The following PIP4K2B variants were observed in gnomAD, a reference collection of about 807,000 sequenced individuals.
PIP4K2B encodes the protein phosphatidylinositol 5-phosphate 4-kinase type-2 beta.
Under a neutral mutation model 42.0 loss-of-function variants are expected in PIP4K2B, and 3 were observed. The observed-to-expected ratio is 0.07, with a 90% confidence interval of 0.03 to 0.18. The LOEUF (loss-of-function observed/expected upper bound fraction) is 0.18, where lower values mean the gene tolerates loss of function less well. Among genes scored for constraint, PIP4K2B ranks in the 10% least tolerant of loss-of-function variants. PIP4K2B has a pLI of 1.00. For synonymous variants in PIP4K2B, 204 were observed against 210.1 expected, an observed-to-expected ratio of 0.97 and a Z score of 0.25; for missense variants, 332 against 562.3, an observed-to-expected ratio of 0.59 and a Z score of 4.14.
chr17:38,770,376 G>T, intron 9 of PIP4K2B, 60 bp downstream of exon 9: 1 of 986,764 alleles, frequency 1.0e-6, no homozygotes, highest in Non-Finnish European at 1.6e-6. Flanking sequence ...CCTGGGGTCT[G>T]AGGGTAAGCA....
intron 7 of PIP4K2B, among the ~76,000 whole-genome samples, chr17:38,775,701 T>C (rs1275689818): frequency 1.3e-5 from 2 of 151,812 alleles, no homozygotes; most frequent in Admixed American, 6.6e-5. Flanking sequence ...ACTAAAAAAA[T>C]ACAAAAATTA....
At chr17:38,778,629 G>A (rs1376114930) in intron 5 of PIP4K2B, among the ~76,000 whole-genome samples, 2 of 152,222 alleles carry the variant, frequency 1.3e-5, no homozygotes, top group African/African-American at 4.8e-5. Flanking sequence ...TTCTAACAGG[G>A]GAGACAGATA....
At chr17:38,778,847 G>GGA in intron 5 of PIP4K2B, among the ~76,000 whole-genome samples, 1 of 152,264 alleles carries the variant, frequency 6.6e-6, no homozygotes, top group East Asian at 1.9e-4. Context: ...AGGAGTGGGT[G>GGA]GAGAGAGAGA....
chr17:38,788,801 A>C (rs979286383), intron 1 of PIP4K2B, among the ~76,000 whole-genome samples: 1 of 152,126 alleles, frequency 6.6e-6, no homozygotes, highest in African/African-American at 2.4e-5. Context: ...AAATACAAAA[A>C]AATTAGCTGG....
intron 1 of PIP4K2B, among the ~76,000 whole-genome samples, chr17:38,795,905 G>A (rs549007892): frequency 8.6e-5 from 13 of 151,710 alleles, no homozygotes; most frequent in Admixed American, 2.0e-4. Context: ...TTGGGAGGCC[G>A]AGGCAGGTGG....
Position 38,799,372 on chromosome 17 carries a change from G to T in PIP4K2B, c.53C>A (p.Ala18Asp). The change falls in exon 1 of 10, where the codon GCC (alanine) becomes GAC (aspartate). Residue 18 changes from alanine (A) to aspartate (D), a missense_variant. Physicochemically the swap from Ala to Asp is moderately radical, Grantham distance 126. Coordinates refer to ENST00000619039, the MANE Select transcript of PIP4K2B (RefSeq NM_003559.5). The surrounding 1 kb of genome is among the most constrained non-coding windows in gnomAD (Gnocchi z 4.4). ...TTAVAVAPLS[A>D]SKTKTKKKHF... ...CTTCTTCTTGGTCTTGGTCTTGCTG[G>T]CGCTGAGCGGCGCCACCGCCACCGC... The T allele has an allele frequency of 6.2e-7, 1 of 1,607,712 alleles. No homozygotes were observed.
intron 9 of PIP4K2B, 109 bp from the exon 10 acceptor site, chr17:38,769,880 G>T: frequency 1.0e-6 from 1 of 980,354 alleles, no homozygotes; most frequent in Non-Finnish European, 1.6e-6. Context: ...TATCAGAGCT[G>T]AATACCACCC....
At position 38,768,037 on chromosome 17, in the gene PIP4K2B, G is replaced by C. The variant is rs1174370959; in HGVS notation, c.*1654C>G. On this transcript the variant is annotated 3_prime_UTR_variant, in exon 10 of 10. Coordinates refer to ENST00000619039, the MANE Select transcript of PIP4K2B (RefSeq NM_003559.5). ...ACCTATATGCTGTGAGTCAGGCACAGAGACAGTGCTGGTTCCTGCTTCGGA... is the reference window on the plus strand; with the variant it reads ...ACCTATATGCTGTGAGTCAGGCACACAGACAGTGCTGGTTCCTGCTTCGGA... The C allele has an allele frequency of 6.6e-6, 1 of 152,264 alleles. No homozygotes were observed. Among genetic ancestry groups the C allele is most frequent in the African/African-American group, 2.4e-5 (1 of 41,474 alleles). The allele number at this position is 152,264 out of a possible 1,614,324, so 9.4% of individuals were successfully genotyped here. A position where few individuals can be genotyped will look rare whatever the true frequency, so the allele number is the denominator to read the frequency against.
chr17:38,774,495 G>A (rs1909210709), intron 7 of PIP4K2B, among the ~76,000 whole-genome samples: 1 of 152,122 alleles, frequency 6.6e-6, no homozygotes. Context: ...AGGGCCGGGC[G>A]TGGTGGCTCA....
At chr17:38,780,632 G>C in intron 3 of PIP4K2B, 28 bp from the exon 4 acceptor site, 3 of 1,599,142 alleles carry the variant, frequency 1.9e-6, no homozygotes, top group Non-Finnish European at 2.6e-6. Flanking sequence ...AGAAGGCTGG[G>C]CTTGGCAGGG....
Position 38,799,175 on chromosome 17 carries a change from C to A in PIP4K2B, c.159+91G>T. 7.4e-7 allele frequency: 1 copy of A among 1,355,210 alleles called. No individual in the cohort carries two copies. Among genetic ancestry groups the A allele is most frequent in the Non-Finnish European group, 9.7e-7 (1 of 1,034,148 alleles). 83.9% of individuals were successfully genotyped at this position (1,355,210 alleles called of 1,614,324 possible). The stretch of plus-strand genomic sequence containing the variant: ...GCTTGGCGAGGGGTGGCAGGCGTCA[C>A]CGGCAGGGCCTGCGGGGCAAGGGCC... On this transcript the variant is annotated intron_variant, in intron 1 of 9. Coordinates refer to ENST00000619039, the MANE Select transcript of PIP4K2B (RefSeq NM_003559.5). The surrounding 1 kb of genome is among the most constrained non-coding windows in gnomAD (Gnocchi z 4.4).
intron 3 of PIP4K2B, 25 bp downstream of exon 3, chr17:38,784,218 C>T: frequency 7.1e-7 from 1 of 1,411,324 alleles, no homozygotes; most frequent in African/African-American, 1.4e-5. Flanking sequence ...CCCTAATCCA[C>T]TGATGTTGCC....
chr17:38,786,798 T>G (rs1567660108), intron 2 of PIP4K2B, 25 bp downstream of exon 2: 1 of 1,468,296 alleles, frequency 6.8e-7, no homozygotes, highest in Non-Finnish European at 9.6e-7. Context: ...CCACAAAACC[T>G]GAGTCCACTC....
At chr17:38,798,536 TA>T (rs1910769129) in intron 1 of PIP4K2B, among the ~76,000 whole-genome samples, 1 of 152,312 alleles carries the variant, frequency 6.6e-6, no homozygotes, top group Non-Finnish European at 1.5e-5. Context: ...TCAACATCTT[TA>T]AAATGATCAC....
At chr17:38,784,606 T>C (rs564606244) in intron 2 of PIP4K2B, among the ~76,000 whole-genome samples, 131 of 152,286 alleles carry the variant, frequency 8.6e-4, no homozygotes, top group African/African-American at 2.9e-3. Context: ...ACATCTGCCA[T>C]ACTTAACATG....
At position 38,793,700 on chromosome 17, in the gene PIP4K2B, G is replaced by A. The variant is rs941216033; in HGVS notation, c.159+5566C>T. Among the ~76,000 whole-genome samples, 4 of 151,988 alleles carry A rather than the reference G, an allele frequency of 2.6e-5. No homozygotes were observed. In the East Asian group the frequency reaches 5.8e-4, roughly 22 times the overall value. On this transcript the variant is annotated intron_variant, in intron 1 of 9. Transcript: ENST00000619039. ...AGCCTGGGCAACATGGCAAAACCCC[G>A]ACTCTTCAAAAAATACAAGTGTTAG...
At chr17:38,777,662 G>A (rs767214414) in intron 7 of PIP4K2B, 25 bp downstream of exon 7, 2 of 1,446,872 alleles carry the variant, frequency 1.4e-6, no homozygotes, top group African/African-American at 1.4e-5. Flanking sequence ...GAGCCTTGCA[G>A]GTGAAAATGA....
In PIP4K2B at chr17:38,799,216, C is replaced by T; in HGVS notation, c.159+50G>A. 6.5e-7 allele frequency: 1 copy of T among 1,529,336 alleles called. No homozygotes were observed. The highest frequency in any genetic ancestry group is 1.2e-5 in the South Asian group (1 of 81,016). 94.7% of individuals were successfully genotyped at this position (1,529,336 alleles called of 1,614,324 possible). ...GGCAAGGGCCCAGGGCTGCAGGGGG[C>T]GTGGGAGCGCGCGGGGCCGCGCTCA... On this transcript the variant is annotated intron_variant, in intron 1 of 9. Coordinates refer to ENST00000619039, the MANE Select transcript of PIP4K2B (RefSeq NM_003559.5). This position sits in a 1 kb window ranked among gnomAD's most constrained non-coding sequence, Gnocchi z 4.4.
At chr17:38,782,407 C>T (rs1033626690) in intron 3 of PIP4K2B, among the ~76,000 whole-genome samples, 3 of 152,214 alleles carry the variant, frequency 2.0e-5, no homozygotes, top group African/African-American at 4.8e-5. Flanking sequence ...GGTTAGACAG[C>T]CCAGGGGAGG....
Sources: allele counts gnomAD v4.1 joint callset (sites outside exome capture counted in the v4.1 genomes callset), GRCh38; gene constraint gnomAD v4.1.1; non-coding constraint Gnocchi (gnomAD v3.1); transcripts MANE v1.5; gene names NCBI Gene and HGNC (gene_info 2026-07-23, HGNC 2026-07-21).